CREB3L2: variants seen among roughly 807,000 people sequenced by gnomAD.
CREB3L2 encodes the protein cAMP responsive element binding protein 3 like 2.
In CREB3L2, 23 loss-of-function variants were observed where a neutral mutation model predicts 57.2. The observed-to-expected ratio is 0.40, with a 90% CI of 0.29 to 0.57. CREB3L2 has a LOEUF of 0.57. CREB3L2 is among the 20% of genes least tolerant of loss of function. The pLI is 0.42. For missense variants in CREB3L2, 628 were observed against 634.7 expected, an observed-to-expected ratio of 0.99 and a Z score of 0.11; for synonymous variants, 268 against 265.1, an observed-to-expected ratio of 1.01 and a Z score of -0.11.
chr7:137,884,091 C>T (rs565204189), intron 10 of CREB3L2, among the ~76,000 whole-genome samples: 4 of 152,260 alleles, frequency 2.6e-5, no homozygotes, highest in East Asian at 1.9e-4. Flanking sequence ...CTGCAACCTC[C>T]GCCTCCCAGG....
chr7:137,985,541 T>G (rs190643558), intron 1 of CREB3L2, among the ~76,000 whole-genome samples: 177 of 152,258 alleles, frequency 1.2e-3, no homozygotes, highest in Non-Finnish European at 2.0e-3. Context: ...CCTACTCACC[T>G]TCCTGCTGTT....
chr7:137,929,823 C>T (rs7795277), intron 1 of CREB3L2, among the ~76,000 whole-genome samples: 2 of 149,274 alleles, frequency 1.3e-5, no homozygotes, highest in African/African-American at 4.9e-5. Flanking sequence ...GAGCCAAGAT[C>T]GAGCCACTGC....
chr7:137,949,041 T>C (rs1801048154), intron 1 of CREB3L2, among the ~76,000 whole-genome samples: 1 of 152,208 alleles, frequency 6.6e-6, no homozygotes, highest in Admixed American at 6.5e-5. Context: ...GTTGTCCCTC[T>C]TCCTAGTTGA....
At chr7:137,908,968 C>T (rs921464830) in intron 4 of CREB3L2, among the ~76,000 whole-genome samples, 6 of 151,992 alleles carry the variant, frequency 3.9e-5, no homozygotes, top group African/African-American at 1.5e-4. Flanking sequence ...GGTGTGGTGG[C>T]ACACACCTAT....
At chr7:137,921,157 C>T (rs373875486) in intron 2 of CREB3L2, among the ~76,000 whole-genome samples, 29 of 152,234 alleles carry the variant, frequency 1.9e-4, no homozygotes, top group Middle Eastern at 6.8e-3. Context: ...GCTGAGATAC[C>T]GAGTGGAAAA....
At chr7:137,991,907 C>CAAA (rs5887864) in intron 1 of CREB3L2, among the ~76,000 whole-genome samples, 1 of 136,668 alleles carries the variant, frequency 7.3e-6, no homozygotes, top group African/African-American at 2.7e-5. Flanking sequence ...GACTCTGCCT[C>CAAA]AAAAAAAAAA....
At chr7:137,920,236 GT>G (rs1333952184) in intron 2 of CREB3L2, among the ~76,000 whole-genome samples, 1 of 152,182 alleles carries the variant, frequency 6.6e-6, no homozygotes, top group Non-Finnish European at 1.5e-5. Flanking sequence ...TGTACCATTG[GT>G]ATGTGAGCTT....
At chr7:137,999,378 C>CCACACACACACACACA (rs1435725371) in intron 1 of CREB3L2, among the ~76,000 whole-genome samples, 1 of 26,250 alleles carries the variant, frequency 3.8e-5, no homozygotes. Context: ...TTATGTTCCC[C>CCACACACACACACACA]TACACACACA....
intron 1 of CREB3L2, among the ~76,000 whole-genome samples, chr7:137,961,279 T>C (rs1801318180): frequency 6.6e-6 from 1 of 152,052 alleles, no homozygotes; most frequent in Non-Finnish European, 1.5e-5. Context: ...TTGCTCAGTG[T>C]CCTTGCAGTC....
rs1039612275 is a variant in CREB3L2, at chr7:138,001,792, C to G, written c.-87G>C. Reference sequence around the variant, plus strand: ...TCGGACCGGCAAGGTTCCTCTCTCTCCGCGTGTGCTTGCGTGTGTGCGCGC... The same window carrying G: ...TCGGACCGGCAAGGTTCCTCTCTCTGCGCGTGTGCTTGCGTGTGTGCGCGC... On this transcript the variant is annotated 5_prime_UTR_variant, in exon 1 of 12. Transcript: ENST00000330387. The surrounding 1 kb of genome is among the most constrained non-coding windows in gnomAD (Gnocchi z 4.2). 1.0e-6 allele frequency: 1 copy of G among 962,230 alleles called. No individual in the cohort carries two copies. Among genetic ancestry groups the G allele is most frequent in the Non-Finnish European group, 1.5e-6 (1 of 677,224 alleles). 59.6% of individuals were successfully genotyped at this position (962,230 alleles called of 1,614,324 possible). A position where few individuals can be genotyped will look rare whatever the true frequency, so the allele number is the denominator to read the frequency against.
rs571381713 is a variant in CREB3L2 at position 137,955,036 on chromosome 7, G to A, written c.103-26670C>T. Among the ~76,000 whole-genome samples, 10 of 152,256 alleles carry A rather than the reference G, an allele frequency of 6.6e-5. No homozygotes were observed. The East Asian group carries it at 1.9e-3, about 29-fold the overall frequency. Reference sequence around the variant, plus strand: ...TAAAGTTCCCTGGACAGAGCCACTGGTAGAGACACCATTCTCCCACCACGT... The same window carrying A: ...TAAAGTTCCCTGGACAGAGCCACTGATAGAGACACCATTCTCCCACCACGT... On this transcript the variant is annotated intron_variant, in intron 1 of 11. Coordinates refer to ENST00000330387, the MANE Select transcript of CREB3L2 (RefSeq NM_194071.4).
intron 4 of CREB3L2, among the ~76,000 whole-genome samples, chr7:137,909,147 C>T (rs1262173033): frequency 6.6e-6 from 1 of 152,182 alleles, no homozygotes; most frequent in Non-Finnish European, 1.5e-5. Context: ...GTTTCTGGAG[C>T]AATGTGCGTG....
chr7:137,949,373 T>G (rs1801052300), intron 1 of CREB3L2, among the ~76,000 whole-genome samples: 1 of 152,230 alleles, frequency 6.6e-6, no homozygotes, highest in East Asian at 1.9e-4. Context: ...AAACACACTT[T>G]ATAAAGGACT....
At chr7:137,944,573 G>A (rs996248275) in intron 1 of CREB3L2, among the ~76,000 whole-genome samples, 5 of 152,158 alleles carry the variant, frequency 3.3e-5, no homozygotes, top group Non-Finnish European at 7.3e-5. Context: ...CTGATCAAAG[G>A]TAGATATCCC....
intron 10 of CREB3L2, among the ~76,000 whole-genome samples, chr7:137,883,656 A>G (rs1453654604): frequency 6.6e-6 from 1 of 152,178 alleles, no homozygotes; most frequent in African/African-American, 2.4e-5. Context: ...CTCTCTCTCA[A>G]AATTTCTTAT....
At chr7:137,977,180 T>C (rs1801623307) in intron 1 of CREB3L2, among the ~76,000 whole-genome samples, 1 of 152,146 alleles carries the variant, frequency 6.6e-6, no homozygotes, top group South Asian at 2.1e-4. Context: ...ACAGTGGAAG[T>C]CTGCATGGAA....
At chr7:137,933,738 T>C (rs952599677) in intron 1 of CREB3L2, 1 of 152,208 alleles carries the variant, frequency 6.6e-6, no homozygotes, top group African/African-American at 2.4e-5. Context: ...GAGATCCTTG[T>C]GATGGAAAAG....
intron 8 of CREB3L2, among the ~76,000 whole-genome samples, chr7:137,891,158 A>G (rs1799521705): frequency 6.6e-6 from 1 of 152,212 alleles, no homozygotes; most frequent in African/African-American, 2.4e-5. Context: ...GGTGAGATGT[A>G]AAAATAAACT....
rs543473540 is a variant in CREB3L2 at position 137,946,808 on chromosome 7, A to ATATATAGT, written c.103-18443_103-18442insACTATATA. Among the ~76,000 whole-genome samples the ATATATAGT allele has an allele frequency of 7.6e-4, 53 of 70,112 alleles. 1 individual carries two copies. Among genetic ancestry groups the ATATATAGT allele is most frequent in the African/African-American group, 3.2e-3 (52 of 16,244 alleles). 46.0% of individuals were successfully genotyped at this position (70,112 alleles called of 152,430 possible). On this transcript the variant is annotated intron_variant, in intron 1 of 11. Coordinates refer to ENST00000330387, the MANE Select transcript of CREB3L2 (RefSeq NM_194071.4). ...TATCTATATAGTTATATATAGTTAT[A>ATATATAGT]TATAGTTATCTATATAGTTATCTAT...
Sources: allele counts gnomAD v4.1 joint callset (sites outside exome capture counted in the v4.1 genomes callset), GRCh38; gene constraint gnomAD v4.1.1; non-coding constraint Gnocchi (gnomAD v3.1); transcripts MANE v1.5; gene names NCBI Gene and HGNC (gene_info 2026-07-23, HGNC 2026-07-21).